The following OR10Q1 variants were observed in gnomAD, a reference collection of about 807,000 sequenced individuals.
The protein encoded by OR10Q1 is olfactory receptor 10Q1.
For synonymous variants in OR10Q1, 211 were observed against 180.5 expected (o/e 1.17, Z -1.35); for missense variants, 435 against 414.0 (o/e 1.05, Z -0.44).
Position 58,228,352 on chromosome 11 carries a change from T to A in OR10Q1, c.524A>T (p.His175Leu), listed in dbSNP as rs770722229. The A allele has an allele frequency of 7.4e-6, 12 of 1,613,546 alleles. No individual in the cohort carries two copies. Residue 175 changes from histidine (H) to leucine (L), a missense_variant, in exon 1 of 1, where the codon CAC becomes CTC. By Grantham distance (99) the His-to-Leu change is moderately conservative. Coordinates refer to ENST00000316770, the MANE Select transcript of OR10Q1 (RefSeq NM_001004471.2). ...GAGGAAGTGGTTGATTTCCTGGTGG[T>A]GGCCGCAAAAGGGCAGGGTGAAGAT... ...ALIFTLPFCGHHQEINHFLCD... is the reference protein window; with the variant it reads ...ALIFTLPFCGLHQEINHFLCD...
At position 58,228,172 on chromosome 11, in the gene OR10Q1, G is replaced by C. The variant is rs1301474995; in HGVS notation, c.704C>G (p.Ser235Cys). 1.9e-6 allele frequency: 3 copies of C among 1,614,072 alleles called. No homozygotes were observed. The African/African-American group carries it at 4.0e-5, about 22-fold the overall frequency. The stretch of plus-strand genomic sequence containing the variant: ...GAAGGCCCGGCGGCGGCCCTCGGCA[G>C]AACGGATGCTCAGGATGGCACAGGT... ...FITCAILSIR[S>C]AEGRRRAFST... Residue 235 changes from serine (S) to cysteine (C), a missense_variant, in exon 1 of 1, where the codon TCT (serine) becomes TGT (cysteine). Physicochemically the swap from Ser to Cys is moderately radical, Grantham distance 112. Transcript: ENST00000316770.
chr11:58,228,674 A>AGT lies in OR10Q1; in HGVS notation c.201_202insAC (p.Ser68ThrfsTer15). ...CAGAGTTCCAGGAAAGACAGGTTGG[A>AGT]CAGGAAGAAATACATCGGGGTGCGG... On this transcript the variant is annotated frameshift_variant, in exon 1 of 1. Transcript: ENST00000316770. LOFTEE classifies it low-confidence loss of function (END_TRUNC). 1 of 1,614,126 alleles carries AGT rather than the reference A, an allele frequency of 6.2e-7. No homozygotes were observed. Among genetic ancestry groups the AGT allele is most frequent in the Non-Finnish European group, 8.5e-7 (1 of 1,180,036 alleles).
chr11:58,228,680 AG>A lies in OR10Q1; in HGVS notation c.195del (p.Phe66SerfsTer16), dbSNP rs1383435058. 11 of 1,613,974 alleles carry A rather than the reference AG, an allele frequency of 6.8e-6. No homozygotes were observed. The highest frequency in any genetic ancestry group is 1.6e-4 in the Middle Eastern group (1 of 6,084). ...THSTLRTPMY[F>X]FLSNLSFLEL... Reference sequence around the variant, plus strand: ...TCCAGGAAAGACAGGTTGGACAGGAAGAAATACATCGGGGTGCGGAGGGTGC... The same window carrying A: ...TCCAGGAAAGACAGGTTGGACAGGAAAAATACATCGGGGTGCGGAGGGTGC... On this transcript the variant is annotated frameshift_variant, in exon 1 of 1. Transcript: ENST00000316770. LOFTEE classifies it low-confidence loss of function (END_TRUNC).
rs368196988 is a variant in OR10Q1, at chr11:58,227,959, A to G, written c.917T>C (p.Leu306Pro). Residue 306 changes from leucine (L) to proline (P), a missense_variant, in exon 1 of 1, where the codon CTG becomes CCG. Transcript: ENST00000316770. ...SLRNKDVKGA[L>P]RSAIIRKAAS... ...TGCTTTACGGATAATGGCACTCCTC[A>G]GAGCACCTTTGACATCCTTGTTCCT... 3.1e-5 allele frequency: 50 copies of G among 1,613,976 alleles called. No individual in the cohort carries two copies. The highest frequency in any genetic ancestry group is 4.1e-5 in the Non-Finnish European group (48 of 1,179,992).
chr11:58,228,355 C>A lies in OR10Q1; in HGVS notation c.521G>T (p.Gly174Val). The part of the protein sequence containing the change: ...TALIFTLPFC[G>V]HHQEINHFLC... The stretch of plus-strand genomic sequence containing the variant: ...GAAGTGGTTGATTTCCTGGTGGTGG[C>A]CGCAAAAGGGCAGGGTGAAGATTAA... Residue 174 changes from glycine (G) to valine (V), a missense_variant, in exon 1 of 1, where the codon GGC (glycine) becomes GTC (valine). Gly to Val is a moderately radical substitution (Grantham distance 109). Transcript: ENST00000316770. The A allele has an allele frequency of 6.2e-7, 1 of 1,613,860 alleles. No individual in the cohort carries two copies. The highest frequency in any genetic ancestry group is 8.5e-7 in the Non-Finnish European group (1 of 1,180,014).
rs1437109107 is a variant in OR10Q1 at position 58,228,547 on chromosome 11, G to T, written c.329C>A (p.Thr110Asn). The T allele has an allele frequency of 6.2e-7, 1 of 1,614,148 alleles. No individual in the cohort carries two copies. Among genetic ancestry groups the T allele is most frequent in the Non-Finnish European group, 8.5e-7 (1 of 1,180,024 alleles). The change falls in exon 1 of 1, where the codon ACC becomes AAC. Residue 110 changes from threonine to asparagine, a missense_variant. Thr to Asn is a moderately conservative substitution (Grantham distance 65, BLOSUM62 0). Transcript: ENST00000316770. ...GCGAQMFFFV[T>N]LGSTDCFLLA... ...GAGGAAACAGTCCGTGCTGCCGAGG[G>T]TGACAAAGAAGAACATTTGGGCCCC...
Position 58,228,159 on chromosome 11 carries a change from G to T in OR10Q1, c.717C>A (p.Arg239=). 1 of 1,614,198 alleles carries T rather than the reference G, an allele frequency of 6.2e-7. No individual in the cohort carries two copies. Among genetic ancestry groups the T allele is most frequent in the Non-Finnish European group, 8.5e-7 (1 of 1,180,046 alleles). Residue 239 remains arginine, a synonymous_variant, in exon 1 of 1, where the codon CGC becomes CGA. Transcript: ENST00000316770. The part of the protein sequence containing the change: ...AILSIRSAEG[R]RRAFSTCSFH... ...AGGAGCAGGTGGAGAAGGCCCGGCGGCGGCCCTCGGCAGAACGGATGCTCA... is the reference window on the plus strand; with the variant it reads ...AGGAGCAGGTGGAGAAGGCCCGGCGTCGGCCCTCGGCAGAACGGATGCTCA...
chr11:58,228,803 T>G lies in OR10Q1; in HGVS notation c.73A>C (p.Thr25Pro), dbSNP rs1425662704. The G allele has an allele frequency of 6.2e-7, 1 of 1,614,066 alleles. No homozygotes were observed. The highest frequency in any genetic ancestry group is 8.5e-7 in the Non-Finnish European group (1 of 1,180,014). Residue 25 changes from threonine (T) to proline (P), a missense_variant, in exon 1 of 1, where the codon ACT (threonine) becomes CCT (proline). Transcript: ENST00000316770. ...EFVFRAFTTA[T>P]EFQVLLFLLF... ...AGGAAGAGAAGAACCTGGAATTCAG[T>G]GGCTGTGGTGAACGCACGGAACACA... is the stretch of plus-strand genomic sequence containing the variant.
rs1264327764 is a variant in OR10Q1 at position 58,228,091 on chromosome 11, A to C, written c.785T>G (p.Leu262Arg). Residue 262 changes from leucine to arginine, a missense_variant, in exon 1 of 1, where the codon CTC (leucine) becomes CGC (arginine). Physicochemically the swap from Leu to Arg is moderately radical, Grantham distance 102. Coordinates refer to ENST00000316770, the MANE Select transcript of OR10Q1 (RefSeq NM_001004471.2). The stretch of plus-strand genomic sequence containing the variant: ...GCTGGACCGAGGACGCAGGTACACG[A>C]GGCTGCAGCAGCCATACTGCAGCAG... ...VVLLQYGCCS[L>R]VYLRPRSSTS... The C allele has an allele frequency of 6.2e-6, 10 of 1,614,032 alleles. No homozygotes were observed. The highest frequency in any genetic ancestry group is 8.5e-6 in the Non-Finnish European group (10 of 1,180,032).
Position 58,228,399 on chromosome 11 carries a change from G to A in OR10Q1, c.477C>T (p.Pro159=), listed in dbSNP as rs759964687. The A allele has an allele frequency of 6.8e-6, 11 of 1,613,922 alleles. No individual in the cohort carries two copies. Among genetic ancestry groups the A allele is most frequent in the Middle Eastern group, 3.3e-4 (2 of 6,036 alleles). The change falls in exon 1 of 1, where the codon CCC becomes CCT. Residue 159 remains proline (P), a synonymous_variant. Coordinates refer to ENST00000316770, the MANE Select transcript of OR10Q1 (RefSeq NM_001004471.2). ...AGATTAAGGCGGTGAGCTGCAGGGA[G>A]GGGAAGAGGGCCAGGCCCAGGGCCC... The part of the protein sequence containing the change: ...LGGALGLALF[P]SLQLTALIFT...
rs1332515160 is a variant in OR10Q1 at position 58,228,531 on chromosome 11, G to A, written c.345C>T (p.Asp115=). 1.9e-6 allele frequency: 3 copies of A among 1,614,028 alleles called. No homozygotes were observed. Among genetic ancestry groups the A allele is most frequent in the Non-Finnish European group, 2.5e-6 (3 of 1,180,034 alleles). The part of the protein sequence containing the change: ...MFFFVTLGST[D]CFLLAIMAYD... The stretch of plus-strand genomic sequence containing the variant: ...AGGCCATGATCGCCAAGAGGAAACA[G>A]TCCGTGCTGCCGAGGGTGACAAAGA... The change falls in exon 1 of 1, where the codon GAC becomes GAT. Residue 115 remains aspartate, a synonymous_variant. Transcript: ENST00000316770.
rs775674520 is a variant in OR10Q1, at chr11:58,228,478, GGGTGGCA to G, written c.391_397del (p.Cys131ArgfsTer8). 2 of 1,614,078 alleles carry G rather than the reference GGGTGGCA, an allele frequency of 1.2e-6. No homozygotes were observed. Among genetic ancestry groups the G allele is most frequent in the African/African-American group, 2.7e-5 (2 of 75,028 alleles). ...GGTCATGATGAGGGTGTAGTGCAGCGGGTGGCAGATAGCCACATAGCGGTCATAGGCC... is the reference window on the plus strand; with the variant it reads ...GGTCATGATGAGGGTGTAGTGCAGCGGATAGCCACATAGCGGTCATAGGCC... On this transcript the variant is annotated frameshift_variant, in exon 1 of 1. Transcript: ENST00000316770. LOFTEE classifies it low-confidence loss of function (END_TRUNC).
At position 58,228,263 on chromosome 11, in the gene OR10Q1, A is replaced by G; in HGVS notation, c.613T>C (p.Tyr205His). 4 of 1,613,820 alleles carry G rather than the reference A, an allele frequency of 2.5e-6. No individual in the cohort carries two copies. The highest frequency in any genetic ancestry group is 1.7e-4 in the Middle Eastern group (1 of 5,772). Residue 205 changes from tyrosine (Y) to histidine (H), a missense_variant, in exon 1 of 1, where the codon TAT (tyrosine) becomes CAT (histidine). Physicochemically the swap from Tyr to His is moderately conservative, Grantham distance 83. Transcript: ENST00000316770. Reference sequence around the variant, plus strand: ...GTCAGCACGAGGATGCTCACGACATAGAGGACAGCCTGGTGCACGCGGATG... The same window carrying G: ...GTCAGCACGAGGATGCTCACGACATGGAGGACAGCCTGGTGCACGCGGATG... ...ADIRVHQAVL[Y>H]VVSILVLTIP...
In OR10Q1 at chr11:58,228,122, C is replaced by G; in HGVS notation, c.754G>C (p.Val252Leu). The G allele has an allele frequency of 6.2e-7, 1 of 1,614,140 alleles. No homozygotes were observed. Among genetic ancestry groups the G allele is most frequent in the Non-Finnish European group, 8.5e-7 (1 of 1,180,036 alleles). Reference sequence around the variant, plus strand: ...CAGCAGCCATACTGCAGCAGGACCACGGTGAGGTGGAAGGAGCAGGTGGAG... The same window carrying G: ...CAGCAGCCATACTGCAGCAGGACCAGGGTGAGGTGGAAGGAGCAGGTGGAG... Reference protein sequence around the residue: ...AFSTCSFHLTVVLLQYGCCSL... With the variant: ...AFSTCSFHLTLVLLQYGCCSL... The change falls in exon 1 of 1, where the codon GTG becomes CTG. Residue 252 changes from valine (V) to leucine (L), a missense_variant. By Grantham distance (32) the Val-to-Leu change is conservative (BLOSUM62 1). Coordinates refer to ENST00000316770, the MANE Select transcript of OR10Q1 (RefSeq NM_001004471.2).
At position 58,228,122 on chromosome 11, in the gene OR10Q1, CGG is replaced by C. The variant is rs772663879; in HGVS notation, c.752_753del (p.Thr251SerfsTer24). ...RAFSTCSFHL[T>X]VVLLQYGCCS... Reference sequence around the variant, plus strand: ...CAGCAGCCATACTGCAGCAGGACCACGGTGAGGTGGAAGGAGCAGGTGGAGAA... The same window carrying C: ...CAGCAGCCATACTGCAGCAGGACCACTGAGGTGGAAGGAGCAGGTGGAGAA... On this transcript the variant is annotated frameshift_variant, in exon 1 of 1. Coordinates refer to ENST00000316770, the MANE Select transcript of OR10Q1 (RefSeq NM_001004471.2). LOFTEE classifies it low-confidence loss of function (END_TRUNC). 1 of 1,614,140 alleles carries C rather than the reference CGG, an allele frequency of 6.2e-7. No individual in the cohort carries two copies. The highest frequency in any genetic ancestry group is 8.5e-7 in the Non-Finnish European group (1 of 1,180,036).
chr11:58,227,998 A>ATCCTTGTTCCT lies in OR10Q1; in HGVS notation c.877_878insAGGAACAAGGA (p.Leu293Ter), dbSNP rs1464801479. ...ATCCTTGTTCCTAAGGCTGTAAAGCAAAGGGTTGAGTAAGGGGGTGACAAA... is the reference window on the plus strand; with the variant it reads ...ATCCTTGTTCCTAAGGCTGTAAAGCATCCTTGTTCCTAAGGGTTGAGTAAGGGGGTGACAAA... On this transcript the variant is annotated stop_gained and frameshift_variant, in exon 1 of 1. Transcript: ENST00000316770. LOFTEE classifies it low-confidence loss of function (END_TRUNC). 2.5e-6 allele frequency: 4 copies of ATCCTTGTTCCT among 1,614,152 alleles called. No individual in the cohort carries two copies. The highest frequency in any genetic ancestry group is 3.4e-6 in the Non-Finnish European group (4 of 1,180,032).
rs763818050 is a variant in OR10Q1 at position 58,227,974 on chromosome 11, T to A, written c.902A>T (p.Asp301Val). The A allele has an allele frequency of 4.3e-6, 7 of 1,614,074 alleles. No homozygotes were observed. Among genetic ancestry groups the A allele is most frequent in the Non-Finnish European group, 5.9e-6 (7 of 1,179,976 alleles). ...NPLLYSLRNK[D>V]VKGALRSAII... ...GGCACTCCTCAGAGCACCTTTGACA[T>A]CCTTGTTCCTAAGGCTGTAAAGCAA... The change falls in exon 1 of 1, where the codon GAT becomes GTT. Residue 301 changes from aspartate (D) to valine (V), a missense_variant. Physicochemically the swap from Asp to Val is radical, Grantham distance 152 (BLOSUM62 -3). Coordinates refer to ENST00000316770, the MANE Select transcript of OR10Q1 (RefSeq NM_001004471.2).
At position 58,228,391 on chromosome 11, in the gene OR10Q1, T is replaced by G. The variant is rs1853115079; in HGVS notation, c.485A>C (p.Gln162Pro). 1 of 1,613,644 alleles carries G rather than the reference T, an allele frequency of 6.2e-7. No homozygotes were observed. The highest frequency in any genetic ancestry group is 8.5e-7 in the Non-Finnish European group (1 of 1,180,008). The part of the protein sequence containing the change: ...ALGLALFPSL[Q>P]LTALIFTLPF... The stretch of plus-strand genomic sequence containing the variant: ...CAGGGTGAAGATTAAGGCGGTGAGC[T>G]GCAGGGAGGGGAAGAGGGCCAGGCC... Residue 162 changes from glutamine to proline, a missense_variant, in exon 1 of 1, where the codon CAG becomes CCG. Coordinates refer to ENST00000316770, the MANE Select transcript of OR10Q1 (RefSeq NM_001004471.2).
Position 58,228,429 on chromosome 11 carries a change from C to A in OR10Q1, c.447G>T (p.Leu149=). ...IMTRELCTQM[L]GGALGLALFP... ...AGAGGGCCAGGCCCAGGGCCCCACCCAGCATCTGCGTGCACAGCTCGCGGG... is the reference window on the plus strand; with the variant it reads ...AGAGGGCCAGGCCCAGGGCCCCACCAAGCATCTGCGTGCACAGCTCGCGGG... The change falls in exon 1 of 1, where the codon CTG becomes CTT. Residue 149 remains leucine, a synonymous_variant. Transcript: ENST00000316770. 6.2e-7 allele frequency: 1 copy of A among 1,614,074 alleles called. No individual in the cohort carries two copies. The highest frequency in any genetic ancestry group is 8.5e-7 in the Non-Finnish European group (1 of 1,180,016).
Sources: allele counts gnomAD v4.1 joint callset, GRCh38; gene constraint gnomAD v4.1.1; transcripts MANE v1.5; gene names NCBI Gene and HGNC (gene_info 2026-07-23, HGNC 2026-07-21).